Variants in MCU observed in about 807,000 individuals in gnomAD.
MCU encodes the protein mitochondrial calcium uniporter, also known as calcium uniporter protein, mitochondrial.
A neutral mutation model predicts 45.2 loss-of-function variants in MCU; 12 were observed. The observed-to-expected ratio is 0.27, with a 90% CI of 0.17 to 0.43. The LOEUF is 0.43. MCU is among the 20% of genes least tolerant of loss of function. The pLI is 1.00. For synonymous variants in MCU, 160 were observed against 165.1 expected (o/e 0.97, Z 0.24); for missense variants, 324 against 436.7 (o/e 0.74, Z 2.30).
chr10:72,767,988 G>C (rs1272145245), intron 1 of MCU, among the ~76,000 whole-genome samples: 2 of 151,942 alleles, frequency 1.3e-5, no homozygotes, highest in Non-Finnish European at 2.9e-5. Context: ...CAATATTTGA[G>C]GGAACATAGA....
At chr10:72,781,393 G>A (rs1250860608) in intron 1 of MCU, among the ~76,000 whole-genome samples, 2 of 152,144 alleles carry the variant, frequency 1.3e-5, no homozygotes, top group Non-Finnish European at 2.9e-5. Flanking sequence ...CAGTATCTTA[G>A]ATTTATTATT....
chr10:72,786,929 ACT>A (rs1023941584), intron 1 of MCU, among the ~76,000 whole-genome samples: 6 of 152,004 alleles, frequency 3.9e-5, no homozygotes, highest in African/African-American at 1.5e-4. Context: ...GTGCTTTTCC[ACT>A]CTCTCTTATG....
intron 1 of MCU, chr10:72,756,402 A>AT (rs1033979000): frequency 6.6e-6 from 1 of 152,160 alleles, no homozygotes; most frequent in Non-Finnish European, 1.5e-5. Context: ...TAAGAACTAC[A>AT]TTTTTCAGTA....
intron 1 of MCU, among the ~76,000 whole-genome samples, chr10:72,729,133 C>T (rs540561890): frequency 6.6e-6 from 1 of 152,274 alleles, no homozygotes; most frequent in East Asian, 1.9e-4. Context: ...GCTGATCTTT[C>T]CTGTTGAAGA....
At chr10:72,832,815 A>G (rs1005066653) in intron 1 of MCU, among the ~76,000 whole-genome samples, 2 of 152,222 alleles carry the variant, frequency 1.3e-5, no homozygotes, top group African/African-American at 2.4e-5. Flanking sequence ...CAAAGAAGGT[A>G]ATAACTTGCC....
intron 1 of MCU, among the ~76,000 whole-genome samples, chr10:72,744,588 C>T (rs1160315861): frequency 6.6e-6 from 1 of 152,214 alleles, no homozygotes; most frequent in African/African-American, 2.4e-5. Flanking sequence ...CGAGATGGTG[C>T]CACTGCACTC....
At chr10:72,797,319 G>A (rs1844265202) in intron 1 of MCU, among the ~76,000 whole-genome samples, 1 of 151,220 alleles carries the variant, frequency 6.6e-6, no homozygotes. Flanking sequence ...CATCTCCTGG[G>A]TTCAAGCGAT....
rs151092133 is a variant in MCU at position 72,823,688 on chromosome 10, C to T, written c.151-10671C>T. 8.9e-4 allele frequency among the ~76,000 whole-genome samples: 136 copies of T among 152,154 alleles called. 2 individuals carry two copies. Among genetic ancestry groups the T allele is most frequent in the African/African-American group, 2.7e-3 (111 of 41,504 alleles). On this transcript the variant is annotated intron_variant, in intron 1 of 7. Coordinates refer to ENST00000373053, the MANE Select transcript of MCU (RefSeq NM_138357.3). ...AAAAATCAAGCAAATAAAAATAAAT[C>T]CCCTTAGCTAAAGGTAGAGAAAGAG...
chr10:72,764,976 G>C (rs1843704056), intron 1 of MCU, among the ~76,000 whole-genome samples: 2 of 151,928 alleles, frequency 1.3e-5, no homozygotes, highest in Non-Finnish European at 2.9e-5. Context: ...AGAGGGCCGG[G>C]AGTAATGGCT....
intron 1 of MCU, among the ~76,000 whole-genome samples, chr10:72,778,525 T>C (rs1233723968): frequency 2.6e-5 from 4 of 152,028 alleles, no homozygotes; most frequent in Non-Finnish European, 4.4e-5. Flanking sequence ...CTGGGAATGG[T>C]TGGAGCCGGG....
chr10:72,752,139 G>T (rs978134448), intron 1 of MCU, among the ~76,000 whole-genome samples: 2 of 151,774 alleles, frequency 1.3e-5, no homozygotes, highest in Middle Eastern at 3.4e-3. Flanking sequence ...ATGCCCGGCC[G>T]CACATTTATA....
chr10:72,770,240 C>T (rs1843785296), intron 1 of MCU, among the ~76,000 whole-genome samples: 1 of 151,828 alleles, frequency 6.6e-6, no homozygotes, highest in African/African-American at 2.4e-5. Flanking sequence ...ATTTTTATAC[C>T]TCTCTTTTCC....
At chr10:72,859,444 A>C (rs1287214800) in intron 3 of MCU, 97 bp downstream of exon 3, 4 of 1,160,768 alleles carry the variant, frequency 3.4e-6, no homozygotes, top group Non-Finnish European at 4.8e-6. Flanking sequence ...CTACAAAAGA[A>C]CCCTATACTG....
chr10:72,877,282 G>A (rs1177161605), intron 6 of MCU, among the ~76,000 whole-genome samples: 5 of 152,106 alleles, frequency 3.3e-5, no homozygotes, highest in Admixed American at 6.6e-5. Flanking sequence ...ATTGTTGCCC[G>A]AAAGAGGAAG....
chr10:72,733,666 C>T (rs556884863), intron 1 of MCU, among the ~76,000 whole-genome samples: 3 of 136,258 alleles, frequency 2.2e-5, no homozygotes, highest in East Asian at 2.2e-4. Context: ...TGGTGGTACC[C>T]GATATATATG....
intron 1 of MCU, among the ~76,000 whole-genome samples, chr10:72,777,292 A>T (rs1200838384): frequency 2.6e-5 from 4 of 152,230 alleles, no homozygotes. Context: ...ACCTGACATC[A>T]AAATTTACTC....
chr10:72,785,659 TG>T (rs1401452930), intron 1 of MCU, among the ~76,000 whole-genome samples: 2 of 152,196 alleles, frequency 1.3e-5, no homozygotes, highest in Non-Finnish European at 2.9e-5. Context: ...GCTCATTTCA[TG>T]GAAATAAAGG....
In MCU at chr10:72,693,018, G is replaced by C. The variant is rs1328617535; in HGVS notation, c.150+717G>C. ...GGCTACTGTATAAGCGTGTTCACGC[G>C]TGCCTGAAGCGGGAAGGGTGGTCAG... is the stretch of plus-strand genomic sequence containing the variant. On this transcript the variant is annotated intron_variant, in intron 1 of 7. Transcript: ENST00000373053. The C allele has an allele frequency of 3.9e-6, 6 of 1,536,166 alleles. No homozygotes were observed. In the East Asian group the frequency reaches 1.5e-4, roughly 38 times the overall value.
chr10:72,834,489 C>T lies in MCU; in HGVS notation c.220+61C>T, dbSNP rs541094495. The T allele has an allele frequency of 2.8e-4, 394 of 1,420,862 alleles. 3 individuals carry two copies. The South Asian group carries it at 4.6e-3, about 16-fold the overall frequency. The allele number at this position is 1,420,862 out of a possible 1,614,324, so 88.0% of individuals were successfully genotyped here. Reference sequence around the variant, plus strand: ...TTATTTCCTTCTTAGCTCAGTGTTTCCTATTCTCTGACACAAAAATTTATA... The same window carrying T: ...TTATTTCCTTCTTAGCTCAGTGTTTTCTATTCTCTGACACAAAAATTTATA... On this transcript the variant is annotated intron_variant, in intron 2 of 7. Transcript: ENST00000373053.
Sources: gnomAD v4.1 joint callset for allele counts (sites outside exome capture counted in the v4.1 genomes callset) on GRCh38, gnomAD v4.1.1 for gene constraint, MANE v1.5 for transcripts, NCBI Gene and HGNC (gene_info 2026-07-23, HGNC 2026-07-21) for gene names.